FOXN3: variants seen among roughly 807,000 people sequenced by gnomAD.
FOXN3 encodes forkhead box protein N3.
Under a neutral mutation model 38.4 loss-of-function variants are expected in FOXN3, and 7 were observed. The ratio of observed to expected loss-of-function variants is 0.18; its 90% confidence interval spans 0.10 to 0.34. FOXN3 has a LOEUF of 0.34. Among genes scored for constraint, FOXN3 ranks in the 10% least tolerant of loss-of-function variants. The pLI is 1.00. For missense variants in FOXN3, 456 were observed against 613.4 expected (o/e 0.74, Z 2.71); for synonymous variants, 230 against 242.2 (o/e 0.95, Z 0.47).
intron 3 of FOXN3, among the ~76,000 whole-genome samples, chr14:89,284,007 C>T (rs1167915455): frequency 2.0e-5 from 3 of 152,078 alleles, no homozygotes; most frequent in South Asian, 4.1e-4. Context: ...ATTACAGGCA[C>T]CTGCCAGCAA....
chr14:89,356,980 T>G lies in FOXN3; in HGVS notation c.544-6172A>C, dbSNP rs529086820. On this transcript the variant is annotated intron_variant, in intron 2 of 5. Transcript: ENST00000557258. ...CAAGAGCACCTGCAGAGAACTGATA[T>G]GACGGTCCAGGACCAAGATGACCAT... 2.0e-5 allele frequency among the ~76,000 whole-genome samples: 3 copies of G among 152,266 alleles called. No homozygotes were observed. In the South Asian group the frequency reaches 6.2e-4, roughly 32 times the overall value.
chr14:89,237,193 C>A (rs1244260970), intron 4 of FOXN3, among the ~76,000 whole-genome samples: 1 of 152,096 alleles, frequency 6.6e-6, no homozygotes. Flanking sequence ...AGACATTTTG[C>A]AGAAGAAGAT....
chr14:89,587,867 GAAA>G (rs11366681), intron 1 of FOXN3, among the ~76,000 whole-genome samples: 23 of 64,624 alleles, frequency 3.6e-4, no homozygotes, highest in African/African-American at 1.0e-3. Context: ...CTCTGTCTCA[GAAA>G]AAAAAAAAAA....
chr14:89,392,490 T>C (rs1890976921), intron 2 of FOXN3, among the ~76,000 whole-genome samples: 1 of 152,112 alleles, frequency 6.6e-6, no homozygotes, highest in African/African-American at 2.4e-5. Flanking sequence ...GCTGGTCCCT[T>C]CTAGAAGCTG....
intron 1 of FOXN3, among the ~76,000 whole-genome samples, chr14:89,611,630 C>T (rs1351840449): frequency 6.6e-6 from 1 of 152,016 alleles, no homozygotes; most frequent in South Asian, 2.1e-4. Context: ...CACGGTGAAA[C>T]CCCGTCTCTA....
chr14:89,180,894 AAGAGAG>A, intron 4 of FOXN3, 88 bp from the exon 5 acceptor site: 1 of 615,074 alleles, frequency 1.6e-6, no homozygotes, highest in Non-Finnish European at 2.5e-6. Flanking sequence ...ATAGACCAAT[AAGAGAG>A]AGAGAGAGAC....
chr14:89,295,968 T>C (rs937546020), intron 3 of FOXN3, among the ~76,000 whole-genome samples: 1 of 152,080 alleles, frequency 6.6e-6, no homozygotes, highest in Non-Finnish European at 1.5e-5. Flanking sequence ...GTAACACATC[T>C]TCTTCACTAT....
chr14:89,520,877 C>T (rs944465558), intron 1 of FOXN3, among the ~76,000 whole-genome samples: 4 of 152,156 alleles, frequency 2.6e-5, no homozygotes, highest in Non-Finnish European at 5.9e-5. Flanking sequence ...TTTAAACACC[C>T]ATTAAAACAA....
intron 2 of FOXN3, among the ~76,000 whole-genome samples, chr14:89,355,578 T>C (rs1419959454): frequency 6.6e-6 from 1 of 152,196 alleles, no homozygotes; most frequent in Non-Finnish European, 1.5e-5. Flanking sequence ...GCCAGATACA[T>C]TCATGGGTCA....
Position 89,467,800 on chromosome 14 carries a change from C to CTTTCTTTTTTTTTT in FOXN3, c.-14-55311_-14-55310insAAAAAAAAAAGAAA, listed in dbSNP as rs1383456566. On this transcript the variant is annotated intron_variant, in intron 1 of 6. Coordinates refer to the FOXN3 transcript ENST00000345097. ...TCTTCTTCTTCCTTTTCTTTTCTTT[C>CTTTCTTTTTTTTTT]TTTGTTTTTTTTTTTTTTTTTTTTT... Among the ~76,000 whole-genome samples, 11 of 57,900 alleles carry CTTTCTTTTTTTTTT rather than the reference C, an allele frequency of 1.9e-4. 1 individual carries two copies. Among genetic ancestry groups the CTTTCTTTTTTTTTT allele is most frequent in the African/African-American group, 4.8e-4 (9 of 18,800 alleles). The allele number at this position is 57,900 out of a possible 152,430, so 38.0% of individuals were successfully genotyped here. A position where few individuals can be genotyped will look rare whatever the true frequency, so the allele number is the denominator to read the frequency against.
intron 1 of FOXN3, among the ~76,000 whole-genome samples, chr14:89,497,693 G>A (rs574914860): frequency 2.8e-4 from 42 of 152,180 alleles, no homozygotes; most frequent in African/African-American, 9.6e-4. Flanking sequence ...ATGAGCCACC[G>A]TGCCCGACCT....
chr14:89,401,777 GCC>G, intron 2 of FOXN3: 1 of 404,708 alleles, frequency 2.5e-6, no homozygotes, highest in Non-Finnish European at 4.9e-6. Context: ...GACAGTCACA[GCC>G]TTCTATGAAG....
chr14:89,592,715 C>T (rs1325163869), intron 1 of FOXN3, among the ~76,000 whole-genome samples: 2 of 152,162 alleles, frequency 1.3e-5, no homozygotes, highest in East Asian at 3.8e-4. Context: ...CTCCTGTGCT[C>T]ACTTAGTAAA....
intron 2 of FOXN3, among the ~76,000 whole-genome samples, chr14:89,366,201 C>G (rs1890139088): frequency 6.6e-6 from 1 of 150,834 alleles, no homozygotes; most frequent in East Asian, 1.9e-4. Flanking sequence ...TGCAGTGAGC[C>G]GAGATTGCAC....
At chr14:89,465,386 C>T (rs1892958689) in intron 1 of FOXN3, among the ~76,000 whole-genome samples, 1 of 152,208 alleles carries the variant, frequency 6.6e-6, no homozygotes. Context: ...CCCGCCACCA[C>T]TCCCAGCTAA....
intron 1 of FOXN3, among the ~76,000 whole-genome samples, chr14:89,507,019 A>T (rs946035404): frequency 6.6e-6 from 1 of 151,564 alleles, no homozygotes; most frequent in South Asian, 2.1e-4. Flanking sequence ...GCCTAGGAAA[A>T]CCAGAGACCT....
chr14:89,242,903 T>G (rs1007448147), intron 4 of FOXN3, among the ~76,000 whole-genome samples: 10 of 152,224 alleles, frequency 6.6e-5, no homozygotes, highest in African/African-American at 1.9e-4. Context: ...ACTTAGAATA[T>G]TCATCTGATG....
chr14:89,271,675 T>G (rs1311436912), intron 4 of FOXN3, among the ~76,000 whole-genome samples: 2 of 152,216 alleles, frequency 1.3e-5, no homozygotes, highest in African/African-American at 2.4e-5. Flanking sequence ...TCTATCTAGT[T>G]TTTAAAAATC....
At chr14:89,291,889 C>T (rs116456834) in intron 3 of FOXN3, among the ~76,000 whole-genome samples, 1 of 152,176 alleles carries the variant, frequency 6.6e-6, no homozygotes, top group Non-Finnish European at 1.5e-5. Context: ...TGGCCTCCCA[C>T]TAGACACCAG....
Sources: allele counts gnomAD v4.1 joint callset (sites outside exome capture counted in the v4.1 genomes callset), GRCh38; gene constraint gnomAD v4.1.1; transcripts MANE v1.5; gene names NCBI Gene and HGNC (gene_info 2026-07-23, HGNC 2026-07-21).